Variants in DLG2 observed in about 807,000 individuals in gnomAD.
DLG2 encodes disks large homolog 2.
Under a neutral mutation model 132.5 loss-of-function variants are expected in DLG2, and 45 were observed. The ratio of observed to expected loss-of-function variants is 0.34; its 90% confidence interval spans 0.27 to 0.44. DLG2 has a LOEUF of 0.44. DLG2 is among the 20% of genes least tolerant of loss of function. The pLI, the probability that DLG2 is intolerant of heterozygous loss-of-function variation, is 1.00. For missense variants in DLG2, 1,045 were observed against 1,196.9 expected (o/e 0.87, Z 1.87); for synonymous variants, 424 against 419.6 (o/e 1.01, Z -0.13).
intron 6 of DLG2, among the ~76,000 whole-genome samples, chr11:84,950,170 T>G (rs1427228398): frequency 1.3e-5 from 2 of 152,194 alleles, no homozygotes; most frequent in Admixed American, 6.5e-5. Context: ...GTCACTCATA[T>G]TTGTACATTT....
At chr11:84,650,474 G>C (rs1239184723) in intron 6 of DLG2, among the ~76,000 whole-genome samples, 1 of 152,104 alleles carries the variant, frequency 6.6e-6, no homozygotes, top group African/African-American at 2.4e-5. Flanking sequence ...ACAGTTAAAA[G>C]GCTCAAAAAA....
intron 4 of DLG2, among the ~76,000 whole-genome samples, chr11:85,162,039 C>T (rs1477369931): frequency 1.3e-5 from 2 of 152,178 alleles, no homozygotes; most frequent in African/African-American, 4.8e-5. Flanking sequence ...GTGACAAACT[C>T]TGCCACCAGG....
chr11:84,005,020 A>G (rs2094516353), intron 11 of DLG2, among the ~76,000 whole-genome samples: 1 of 151,636 alleles, frequency 6.6e-6, no homozygotes, highest in Non-Finnish European at 1.5e-5. Context: ...CCCCCAACCA[A>G]AAAACCCCAA....
intron 7 of DLG2, among the ~76,000 whole-genome samples, chr11:84,340,942 G>A (rs886189626): frequency 2.0e-5 from 3 of 152,130 alleles, no homozygotes; most frequent in Middle Eastern, 3.2e-3. Flanking sequence ...GGAGAGCTAC[G>A]TGGAAGAACA....
intron 6 of DLG2, among the ~76,000 whole-genome samples, chr11:85,002,476 G>T (rs597604): frequency 0.16 from 24,548 of 152,102 alleles, 2,197 homozygotes; most frequent in East Asian, 0.28. Flanking sequence ...TCAGAAGTCT[G>T]TGGAGGTCTA....
intron 3 of DLG2, among the ~76,000 whole-genome samples, chr11:85,383,778 A>T (rs1226671120): frequency 6.6e-6 from 1 of 152,162 alleles, no homozygotes; most frequent in East Asian, 1.9e-4. Flanking sequence ...TTTCATCCAC[A>T]ATCCAGTTAG....
chr11:84,845,899 C>T (rs1422358867), intron 6 of DLG2, among the ~76,000 whole-genome samples: 4 of 151,840 alleles, frequency 2.6e-5, no homozygotes, highest in Non-Finnish European at 4.4e-5. Context: ...AGGCTGGTCT[C>T]GAACTCCTGA....
At chr11:84,043,685 TTC>T in intron 11 of DLG2, among the ~76,000 whole-genome samples, 1 of 151,954 alleles carries the variant, frequency 6.6e-6, no homozygotes, top group East Asian at 1.9e-4. Context: ...TTTAAAGTTT[TTC>T]TCTCTTCTTT....
intron 14 of DLG2, among the ~76,000 whole-genome samples, chr11:83,933,692 A>G (rs995061628): frequency 3.9e-5 from 6 of 151,974 alleles, no homozygotes; most frequent in African/African-American, 9.7e-5. Context: ...TACTTTGCCT[A>G]TAACTGCTCC....
At position 85,522,562 on chromosome 11, in the gene DLG2, A is replaced by G. The variant is rs574799981; in HGVS notation, c.40+76095T>C. Among the ~76,000 whole-genome samples, 17 of 152,188 alleles carry G rather than the reference A, an allele frequency of 1.1e-4. No individual in the cohort carries two copies. The East Asian group carries it at 3.1e-3, about 28-fold the overall frequency. ...CATGTGGAAAAGCCACAGACACTCAATGTCAGCCATGAAAGCAGCTAGGGC... is the reference window on the plus strand; with the variant it reads ...CATGTGGAAAAGCCACAGACACTCAGTGTCAGCCATGAAAGCAGCTAGGGC... On this transcript the variant is annotated intron_variant, in intron 3 of 27. Coordinates refer to ENST00000376104, the MANE Select transcript of DLG2 (RefSeq NM_001142699.3).
At chr11:84,929,762 C>T (rs577001622) in intron 6 of DLG2, among the ~76,000 whole-genome samples, 2 of 152,142 alleles carry the variant, frequency 1.3e-5, no homozygotes, top group South Asian at 4.2e-4. Flanking sequence ...ATTCCAGGCT[C>T]AGGAAATTTT....
At chr11:84,280,037 C>T (rs1057271191) in intron 7 of DLG2, among the ~76,000 whole-genome samples, 2 of 151,980 alleles carry the variant, frequency 1.3e-5, no homozygotes, top group African/African-American at 4.8e-5. Context: ...AACAGTGTAA[C>T]AAGGCAAGTA....
At chr11:85,296,239 G>A (rs1193271511) in intron 3 of DLG2, among the ~76,000 whole-genome samples, 2 of 152,024 alleles carry the variant, frequency 1.3e-5, no homozygotes, top group African/African-American at 4.8e-5. Flanking sequence ...TCTGTTTAAT[G>A]GTGATTTTAT....
intron 6 of DLG2, among the ~76,000 whole-genome samples, chr11:84,727,673 A>T (rs1806694358): frequency 6.6e-6 from 1 of 152,130 alleles, no homozygotes; most frequent in Non-Finnish European, 1.5e-5. Context: ...CACTGAATCT[A>T]TAAATTACTT....
At chr11:84,148,002 G>C (rs897771139) in intron 9 of DLG2, among the ~76,000 whole-genome samples, 9 of 151,484 alleles carry the variant, frequency 5.9e-5, no homozygotes, top group Non-Finnish European at 1.3e-4. Context: ...GTAGATAGTA[G>C]TACCCCATTC....
intron 7 of DLG2, among the ~76,000 whole-genome samples, chr11:84,308,063 C>A (rs1281979832): frequency 1.3e-5 from 2 of 152,150 alleles, no homozygotes; most frequent in Admixed American, 1.3e-4. Context: ...GCCCCCACAA[C>A]GCAGAAGTAG....
chr11:85,421,802 C>T (rs558271377), intron 3 of DLG2, among the ~76,000 whole-genome samples: 29 of 151,978 alleles, frequency 1.9e-4, no homozygotes, highest in South Asian at 1.9e-3. Flanking sequence ...AGGCTTTAAA[C>T]AGTTTCCATT....
intron 5 of DLG2, among the ~76,000 whole-genome samples, chr11:85,153,256 C>G (rs2077376567): frequency 6.6e-6 from 1 of 152,196 alleles, no homozygotes; most frequent in South Asian, 2.1e-4. Flanking sequence ...TTCTATCACA[C>G]TGTCCTACTT....
intron 4 of DLG2, among the ~76,000 whole-genome samples, chr11:85,249,106 G>T (rs866599004): frequency 3.9e-5 from 6 of 151,936 alleles, no homozygotes; most frequent in Non-Finnish European, 8.8e-5. Flanking sequence ...TATGCTTTAT[G>T]AATATTGTAG....
Sources: gnomAD v4.1 joint callset for allele counts (sites outside exome capture counted in the v4.1 genomes callset) on GRCh38, gnomAD v4.1.1 for gene constraint, MANE v1.5 for transcripts, NCBI Gene and HGNC (gene_info 2026-07-23, HGNC 2026-07-21) for gene names.